NAB1: variants seen among roughly 807,000 people sequenced by gnomAD.
The protein encoded by NAB1 is NGFI-A binding protein 1, also known as NGFI-A-binding protein 1.
A neutral mutation model predicts 49.9 loss-of-function variants in NAB1; 25 were observed. The ratio of observed to expected loss-of-function variants is 0.50; its 90% CI spans 0.37 to 0.70. NAB1 has a LOEUF of 0.70. Among genes scored for constraint, NAB1 ranks in the 30% least tolerant of loss-of-function variants. The pLI is 0.00. For synonymous variants in NAB1, 198 were observed against 215.6 expected (o/e 0.92, Z 0.71); for missense variants, 489 against 575.9 (o/e 0.85, Z 1.54).
At position 190,678,749 on chromosome 2, in the gene NAB1, T is replaced by G. The variant is rs1199271909; in HGVS notation, c.1006-4989T>G. ...TCCACCTACGCTGCTACTAAGCTTG[T>G]TGAAAAGAAAGCTGGTCTAATTTGA... On this transcript the variant is annotated intron_variant, in intron 6 of 9. Coordinates refer to ENST00000337386, the MANE Select transcript of NAB1 (RefSeq NM_005966.4). The surrounding 1 kb of genome is among the most constrained non-coding windows in gnomAD (Gnocchi z 4.9). Among the ~76,000 whole-genome samples, 3 of 152,170 alleles carry G rather than the reference T, an allele frequency of 2.0e-5. No homozygotes were observed. Among genetic ancestry groups the G allele is most frequent in the Non-Finnish European group, 4.4e-5 (3 of 68,032 alleles).
rs544407697 is a variant in NAB1 at position 190,649,837 on chromosome 2, T to G, written c.-333-9T>G. 1 of 152,366 alleles carries G rather than the reference T, an allele frequency of 6.6e-6. No homozygotes were observed. The highest frequency in any genetic ancestry group is 1.9e-4 in the East Asian group (1 of 5,186). 9.4% of individuals were successfully genotyped at this position (152,366 alleles called of 1,614,324 possible). A position where few individuals can be genotyped will look rare whatever the true frequency, so the allele number is the denominator to read the frequency against. The stretch of plus-strand genomic sequence containing the variant: ...CTTCCCTTTCCGAATGTAGTTTTCT[T>G]TTTAAAAGCGGAAGGAGAGTTTTAC... On this transcript the variant is annotated splice_polypyrimidine_tract_variant and intron_variant, in intron 1 of 9. Transcript: ENST00000337386. The surrounding 1 kb of genome is among the most constrained non-coding windows in gnomAD (Gnocchi z 6.1).
At position 190,665,752 on chromosome 2, in the gene NAB1, G is replaced by T. The variant is rs573631856; in HGVS notation, c.820-4574G>T. Among the ~76,000 whole-genome samples, 37 of 152,324 alleles carry T rather than the reference G, an allele frequency of 2.4e-4. No homozygotes were observed. In the South Asian group the frequency reaches 6.8e-3, roughly 28 times the overall value. On this transcript the variant is annotated intron_variant, in intron 4 of 9. Transcript: ENST00000337386. Reference sequence around the variant, plus strand: ...TGAATTATGGTTGATTGGGGGTTATGAAATCTTAAGAGAGTATCTTCTGTT... The same window carrying T: ...TGAATTATGGTTGATTGGGGGTTATTAAATCTTAAGAGAGTATCTTCTGTT...
chr2:190,660,083 G>T (rs1694144444), intron 4 of NAB1, 88 bp downstream of exon 4: 11 of 1,157,948 alleles, frequency 9.5e-6, no homozygotes, highest in Non-Finnish European at 1.4e-5. Context: ...TGCCACAAAT[G>T]TGATACACTA....
Position 190,684,201 on chromosome 2 carries a change from A to G in NAB1, c.1095+374A>G, listed in dbSNP as rs116434470. On this transcript the variant is annotated intron_variant, in intron 7 of 9. Transcript: ENST00000337386. This position sits in a 1 kb window ranked among gnomAD's most constrained non-coding sequence, Gnocchi z 4.6. ...GTTCTCAATAAAATATTAATAGTCAACATTGTAATTATTGTTAAATCTTTT... is the reference window on the plus strand; with the variant it reads ...GTTCTCAATAAAATATTAATAGTCAGCATTGTAATTATTGTTAAATCTTTT... Among the ~76,000 whole-genome samples, 1,176 of 152,348 alleles carry G rather than the reference A, an allele frequency of 7.7e-3. 13 individuals are homozygous for G. The highest frequency in any genetic ancestry group is 0.027 in the African/African-American group (1,108 of 41,578).
At chr2:190,656,221 C>T (rs900968620) in intron 3 of NAB1, 68 bp downstream of exon 3, 4 of 152,144 alleles carry the variant, frequency 2.6e-5, no homozygotes, top group African/African-American at 9.7e-5. Flanking sequence ...GTGTTAAGGA[C>T]CCATTTTATA....
intron 4 of NAB1, among the ~76,000 whole-genome samples, chr2:190,662,130 G>A (rs894893531): frequency 6.6e-6 from 1 of 152,068 alleles, no homozygotes; most frequent in South Asian, 2.1e-4. Context: ...TAATCTCACT[G>A]TTCTGAGGAT....
chr2:190,650,716 A>T (rs1023568), intron 2 of NAB1, among the ~76,000 whole-genome samples: 69,029 of 152,052 alleles, frequency 0.45, 15,928 homozygotes, highest in Non-Finnish European at 0.49. Flanking sequence ...GAGTGCCAGT[A>T]AAAGTGGCTC....
chr2:190,670,465 T>C lies in NAB1; in HGVS notation c.953+6T>C, dbSNP rs757965571. 1 of 1,612,586 alleles carries C rather than the reference T, an allele frequency of 6.2e-7. No individual in the cohort carries two copies. The highest frequency in any genetic ancestry group is 8.5e-7 in the Non-Finnish European group (1 of 1,179,390). ...TATACTTACAGAACCACCAAGTAAG[T>C]ATTTAACTAATCGTCATTATTTTTG... is the stretch of plus-strand genomic sequence containing the variant. On this transcript the variant is annotated splice_donor_region_variant and intron_variant, in intron 5 of 9. Transcript: ENST00000337386. This position sits in a 1 kb window ranked among gnomAD's most constrained non-coding sequence, Gnocchi z 5.3.
At position 190,657,398 on chromosome 2, in the gene NAB1, C is replaced by A. The variant is rs142947966; in HGVS notation, c.-20+1245C>A. Among the ~76,000 whole-genome samples the A allele has an allele frequency of 5.2e-4, 79 of 152,152 alleles. 1 individual carries two copies. In the East Asian group the frequency reaches 0.015, roughly 29 times the overall value. On this transcript the variant is annotated intron_variant, in intron 3 of 9. Transcript: ENST00000337386. This position sits in a 1 kb window ranked among gnomAD's most constrained non-coding sequence, Gnocchi z 4.4. ...CAGTACCTGTAGGAGTTTGTGGTGC[C>A]CGGAGGATTTATTAAGTAGGAATCT...
chr2:190,687,680 T>C (rs1208816104), intron 9 of NAB1, among the ~76,000 whole-genome samples: 1 of 152,208 alleles, frequency 6.6e-6, no homozygotes, highest in Non-Finnish European at 1.5e-5. Flanking sequence ...TTGGAAGTGG[T>C]AGATTGCCAT....
At chr2:190,661,978 G>T (rs935355523) in intron 4 of NAB1, among the ~76,000 whole-genome samples, 1 of 152,168 alleles carries the variant, frequency 6.6e-6, no homozygotes, top group African/African-American at 2.4e-5. Context: ...GGTATTATGA[G>T]AATTTTGTAT....
rs527421699 is a variant in NAB1 at position 190,679,937 on chromosome 2, G to A, written c.1006-3801G>A. On this transcript the variant is annotated intron_variant, in intron 6 of 9. Coordinates refer to ENST00000337386, the MANE Select transcript of NAB1 (RefSeq NM_005966.4). The surrounding 1 kb of genome is among the most constrained non-coding windows in gnomAD (Gnocchi z 5.3). ...CTGCTTACCTGGCTTATCTACACAC[G>A]GAGGTCTCACTAGCAAATGAGCTCA... 2.0e-4 allele frequency among the ~76,000 whole-genome samples: 30 copies of A among 152,278 alleles called. No homozygotes were observed. Among genetic ancestry groups the A allele is most frequent in the South Asian group, 4.1e-4 (2 of 4,820 alleles).
rs572419233 is a variant in NAB1 at position 190,669,435 on chromosome 2, A to G, written c.820-891A>G. 6.6e-6 allele frequency among the ~76,000 whole-genome samples: 1 copy of G among 152,256 alleles called. No individual in the cohort carries two copies. Among genetic ancestry groups the G allele is most frequent in the South Asian group, 2.1e-4 (1 of 4,822 alleles). On this transcript the variant is annotated intron_variant, in intron 4 of 9. Coordinates refer to ENST00000337386, the MANE Select transcript of NAB1 (RefSeq NM_005966.4). The surrounding 1 kb of genome is among the most constrained non-coding windows in gnomAD (Gnocchi z 4.3). Reference sequence around the variant, plus strand: ...ATCCCATTTTGCCTCTCAGAATACCAAGTACCAAGCCTCTCAAAAGTTTTG... The same window carrying G: ...ATCCCATTTTGCCTCTCAGAATACCGAGTACCAAGCCTCTCAAAAGTTTTG...
Position 190,683,809 on chromosome 2 carries a change from T to C in NAB1, c.1077T>C (p.Leu359=), listed in dbSNP as rs749250575. 2 of 1,613,128 alleles carry C rather than the reference T, an allele frequency of 1.2e-6. No homozygotes were observed. The highest frequency in any genetic ancestry group is 1.7e-6 in the Non-Finnish European group (2 of 1,179,544). The change falls in exon 7 of 10, where the codon CTT becomes CTC. Residue 359 remains leucine (L), a synonymous_variant. Coordinates refer to ENST00000337386, the MANE Select transcript of NAB1 (RefSeq NM_005966.4). ...AGGCTAGAGCTAAGAGTGAAGAACT[T>C]GCAGCTCTTAGTTCACAGGTAACAT... is the stretch of plus-strand genomic sequence containing the variant. ...FQQARAKSEE[L]AALSSQQPEK...
chr2:190,664,586 C>T (rs1196677378), intron 4 of NAB1, among the ~76,000 whole-genome samples: 113 of 61,110 alleles, frequency 1.8e-3, no homozygotes, highest in Admixed American at 3.0e-3. Context: ...TTCTTCTTTC[C>T]TTTTTTTTTT....
At chr2:190,661,142 G>GCTGGTCTCAAGCTC (rs1226336557) in intron 4 of NAB1, among the ~76,000 whole-genome samples, 1 of 152,088 alleles carries the variant, frequency 6.6e-6, no homozygotes, top group Non-Finnish European at 1.5e-5. Context: ...TGTTGCCCAG[G>GCTGGTCTCAAGCTC]CTGGTCTCAA....
Position 190,679,938 on chromosome 2 carries a change from G to A in NAB1, c.1006-3800G>A, listed in dbSNP as rs968659653. On this transcript the variant is annotated intron_variant, in intron 6 of 9. Coordinates refer to ENST00000337386, the MANE Select transcript of NAB1 (RefSeq NM_005966.4). The surrounding 1 kb of genome is among the most constrained non-coding windows in gnomAD (Gnocchi z 5.3). ...TGCTTACCTGGCTTATCTACACACGGAGGTCTCACTAGCAAATGAGCTCAA... is the reference window on the plus strand; with the variant it reads ...TGCTTACCTGGCTTATCTACACACGAAGGTCTCACTAGCAAATGAGCTCAA... Among the ~76,000 whole-genome samples the A allele has an allele frequency of 2.0e-5, 3 of 152,244 alleles. No individual in the cohort carries two copies. Among genetic ancestry groups the A allele is most frequent in the African/African-American group, 7.2e-5 (3 of 41,546 alleles).
intron 6 of NAB1, among the ~76,000 whole-genome samples, chr2:190,681,090 G>A (rs1463939501): frequency 6.6e-6 from 1 of 152,162 alleles, no homozygotes; most frequent in African/African-American, 2.4e-5. Flanking sequence ...ATGAAAAACA[G>A]AGCTATAATT....
rs1375189537 is a variant in NAB1, at chr2:190,652,526, T to C, written c.-197+2544T>C. ...CAAGTAAATTTAACCTCACACTGAA[T>C]ATTTTTATTAAAATTTTAAGGTGTC... On this transcript the variant is annotated intron_variant, in intron 2 of 9. Transcript: ENST00000337386. This position sits in a 1 kb window ranked among gnomAD's most constrained non-coding sequence, Gnocchi z 4.2. Among the ~76,000 whole-genome samples the C allele has an allele frequency of 3.3e-5, 5 of 152,238 alleles. No individual in the cohort carries two copies. The highest frequency in any genetic ancestry group is 1.2e-4 in the African/African-American group (5 of 41,462).
Sources: allele counts gnomAD v4.1 joint callset (sites outside exome capture counted in the v4.1 genomes callset), GRCh38; gene constraint gnomAD v4.1.1; non-coding constraint Gnocchi (gnomAD v3.1); transcripts MANE v1.5; gene names NCBI Gene and HGNC (gene_info 2026-07-23, HGNC 2026-07-21).